CAMKMT: variants seen among roughly 807,000 people sequenced by gnomAD.
CAMKMT encodes CaM KMT.
CAMKMT carries 53 observed loss-of-function variants against 48.0 expected under a neutral mutation model. That is an observed-to-expected ratio of 1.10 (90% CI 0.89 to 1.39). CAMKMT has a LOEUF of 1.39. Among genes scored for constraint, CAMKMT ranks in the 40% most tolerant of loss-of-function variants. CAMKMT has a pLI of 0.00. For missense variants in CAMKMT, 428 were observed against 402.7 expected (o/e 1.06, Z -0.54); for synonymous variants, 165 against 152.3 (o/e 1.08, Z -0.61).
chr2:44,686,893 C>A (rs538921615), intron 3 of CAMKMT, among the ~76,000 whole-genome samples: 2 of 152,152 alleles, frequency 1.3e-5, no homozygotes, highest in Admixed American at 1.3e-4. Context: ...TAAAATAATC[C>A]CTTAGCATGT....
intron 3 of CAMKMT, among the ~76,000 whole-genome samples, chr2:44,686,115 C>T (rs185982982): frequency 3.0e-4 from 45 of 152,258 alleles, no homozygotes; most frequent in Admixed American, 2.7e-3. Context: ...AAGCCTTGGC[C>T]AGGCCCAGTG....
intron 3 of CAMKMT, among the ~76,000 whole-genome samples, chr2:44,423,788 T>C (rs1268044581): frequency 6.6e-6 from 1 of 152,208 alleles, no homozygotes; most frequent in East Asian, 1.9e-4. Flanking sequence ...GGCTTTATAA[T>C]GAAAATCAAC....
chr2:44,403,716 G>A lies in CAMKMT; in HGVS notation c.376+13411G>A, dbSNP rs563974011. On this transcript the variant is annotated intron_variant, in intron 3 of 10. Coordinates refer to ENST00000378494, the MANE Select transcript of CAMKMT (RefSeq NM_024766.5). ...ATCTTTAACGCATACACACATATAT[G>A]CACTCATATACATTAATTTCACATA... Among the ~76,000 whole-genome samples, 42 of 152,190 alleles carry A rather than the reference G, an allele frequency of 2.8e-4. No homozygotes were observed. The South Asian group carries it at 4.8e-3, about 17-fold the overall frequency.
chr2:44,712,431 C>T (rs1677933122), intron 6 of CAMKMT, among the ~76,000 whole-genome samples: 1 of 151,884 alleles, frequency 6.6e-6, no homozygotes, highest in Admixed American at 6.6e-5. Context: ...ATACATATAA[C>T]ATGTATATAA....
chr2:44,434,451 T>C (rs1684830986), intron 3 of CAMKMT, among the ~76,000 whole-genome samples: 1 of 152,208 alleles, frequency 6.6e-6, no homozygotes, highest in African/African-American at 2.4e-5. Flanking sequence ...TTTAGGATAT[T>C]TGGACTGATG....
At chr2:44,689,752 G>A (rs970324810) in intron 3 of CAMKMT, among the ~76,000 whole-genome samples, 2 of 152,120 alleles carry the variant, frequency 1.3e-5, no homozygotes, top group African/African-American at 2.4e-5. Context: ...CAATGGAGAT[G>A]GAGCATTTTC....
chr2:44,477,601 T>G (rs921835439), intron 3 of CAMKMT, among the ~76,000 whole-genome samples: 3 of 152,214 alleles, frequency 2.0e-5, no homozygotes, highest in Non-Finnish European at 4.4e-5. Flanking sequence ...TCTAGAATTA[T>G]AAGGTTATAG....
In CAMKMT at chr2:44,636,333, C is replaced by A. The variant is rs1054239286; in HGVS notation, c.377-67950C>A. Among the ~76,000 whole-genome samples the A allele has an allele frequency of 9.9e-5, 15 of 152,156 alleles. 1 individual carries two copies. Among genetic ancestry groups the A allele is most frequent in the Admixed American group, 7.2e-4 (11 of 15,266 alleles). On this transcript the variant is annotated intron_variant, in intron 3 of 10. Transcript: ENST00000378494. ...AGAATTAGGATGAGTTATTCCAAAT[C>A]AGGAAGACACAATTACCAGAGTTAG... is the stretch of plus-strand genomic sequence containing the variant.
At chr2:44,725,798 C>G (rs1678749539) in intron 7 of CAMKMT, among the ~76,000 whole-genome samples, 1 of 151,070 alleles carries the variant, frequency 6.6e-6, no homozygotes, top group Non-Finnish European at 1.5e-5. Flanking sequence ...TGAGACAGAG[C>G]ACATGAAGGG....
intron 3 of CAMKMT, among the ~76,000 whole-genome samples, chr2:44,562,927 G>A: frequency 6.6e-6 from 1 of 152,140 alleles, no homozygotes; most frequent in East Asian, 1.9e-4. Flanking sequence ...TACTCTCTCA[G>A]TACTGGTGGT....
intron 3 of CAMKMT, among the ~76,000 whole-genome samples, chr2:44,565,910 T>C (rs1258534035): frequency 1.3e-5 from 2 of 152,208 alleles, no homozygotes; most frequent in Non-Finnish European, 2.9e-5. Context: ...AGATGTCACT[T>C]GCCCTACAAT....
chr2:44,459,098 G>C (rs1572558217), intron 3 of CAMKMT, among the ~76,000 whole-genome samples: 1 of 150,456 alleles, frequency 6.6e-6, no homozygotes, highest in Middle Eastern at 3.4e-3. Context: ...ACATTTCTAA[G>C]TGGGAAAAAA....
chr2:44,678,703 T>C (rs1675856983), intron 3 of CAMKMT, among the ~76,000 whole-genome samples: 1 of 152,204 alleles, frequency 6.6e-6, no homozygotes, highest in Non-Finnish European at 1.5e-5. Context: ...ATCTCATGAG[T>C]AAGACTGTAA....
chr2:44,727,584 T>G (rs1231045071), intron 7 of CAMKMT, among the ~76,000 whole-genome samples: 1 of 152,208 alleles, frequency 6.6e-6, no homozygotes, highest in Non-Finnish European at 1.5e-5. Context: ...GACTTTTTAT[T>G]TGGATACCTT....
intron 3 of CAMKMT, among the ~76,000 whole-genome samples, chr2:44,409,093 A>T (rs1297035699): frequency 1.5e-4 from 1 of 6,478 alleles, no homozygotes; most frequent in Non-Finnish European, 1.5e-3. Context: ...ATATATATAT[A>T]TATATATATA....
intron 3 of CAMKMT, among the ~76,000 whole-genome samples, chr2:44,526,350 G>C (rs1294992381): frequency 6.6e-6 from 1 of 152,142 alleles, no homozygotes; most frequent in African/African-American, 2.4e-5. Flanking sequence ...GTTCTACAGA[G>C]AAATAGAACC....
chr2:44,588,265 G>A (rs1670007126), intron 3 of CAMKMT, among the ~76,000 whole-genome samples: 1 of 48,772 alleles, frequency 2.1e-5, no homozygotes, highest in Non-Finnish European at 4.8e-5. Flanking sequence ...TGGGAAGTGA[G>A]GAGCGTCTCC....
At chr2:44,470,335 C>T (rs1277257469) in intron 3 of CAMKMT, among the ~76,000 whole-genome samples, 1 of 152,112 alleles carries the variant, frequency 6.6e-6, no homozygotes, top group Non-Finnish European at 1.5e-5. Flanking sequence ...ATTTGCATTC[C>T]ACTACCAGCC....
chr2:44,666,934 A>G (rs1413593272), intron 3 of CAMKMT, among the ~76,000 whole-genome samples: 1 of 152,210 alleles, frequency 6.6e-6, no homozygotes, highest in Admixed American at 6.5e-5. Flanking sequence ...AAGAATCCAT[A>G]CAGGAGGAGA....
Sources: allele counts gnomAD v4.1 joint callset (sites outside exome capture counted in the v4.1 genomes callset), GRCh38; gene constraint gnomAD v4.1.1; transcripts MANE v1.5; gene names NCBI Gene and HGNC (gene_info 2026-07-23, HGNC 2026-07-21).